Variants in DPYSL3 observed in about 807,000 individuals in gnomAD.
DPYSL3 encodes dihydropyrimidinase-related protein 3.
A neutral mutation model predicts 66.1 loss-of-function variants in DPYSL3; 16 were observed. The ratio of observed to expected loss-of-function variants is 0.24; its 90% CI spans 0.16 to 0.37. DPYSL3 has a LOEUF of 0.37. Ranked by LOEUF, DPYSL3 falls within the 10% of genes least tolerant of loss-of-function variation. The probability of loss-of-function intolerance (pLI) is 1.00; values close to 1 mark genes in which losing one functional copy is unlikely to be tolerated. For synonymous variants in DPYSL3, 338 were observed against 345.1 expected (o/e 0.98, Z 0.23); for missense variants, 738 against 916.2 (o/e 0.81, Z 2.51).
intron 1 of DPYSL3, among the ~76,000 whole-genome samples, chr5:147,448,617 C>T (rs1464106913): frequency 6.6e-6 from 1 of 152,164 alleles, no homozygotes. Context: ...ACTTTCATGG[C>T]CACTATTTGA....
intron 2 of DPYSL3, among the ~76,000 whole-genome samples, chr5:147,420,719 A>G (rs1432147811): frequency 2.0e-5 from 3 of 152,226 alleles, no homozygotes; most frequent in Non-Finnish European, 4.4e-5. Flanking sequence ...TTGAATTATG[A>G]TCATTTAACT....
chr5:147,494,538 G>C (rs1024002066), intron 1 of DPYSL3, among the ~76,000 whole-genome samples: 1 of 151,658 alleles, frequency 6.6e-6, no homozygotes, highest in South Asian at 2.1e-4. Flanking sequence ...AAATGAAATA[G>C]GGACATCACT....
At chr5:147,473,819 C>G (rs1402788335) in intron 1 of DPYSL3, among the ~76,000 whole-genome samples, 2 of 152,230 alleles carry the variant, frequency 1.3e-5, no homozygotes, top group East Asian at 3.9e-4. Context: ...TGAATTACTA[C>G]ATGGACTTCC....
chr5:147,419,580 G>A (rs1245730555), intron 2 of DPYSL3, among the ~76,000 whole-genome samples: 1 of 152,122 alleles, frequency 6.6e-6, no homozygotes, highest in Non-Finnish European at 1.5e-5. Flanking sequence ...TGATTCATAA[G>A]CCTCTATATG....
chr5:147,475,807 T>C (rs1401651460), intron 1 of DPYSL3, among the ~76,000 whole-genome samples: 1 of 152,140 alleles, frequency 6.6e-6, no homozygotes, highest in East Asian at 1.9e-4. Flanking sequence ...TAAAGGTTTT[T>C]GAGCAGACAG....
At chr5:147,446,585 C>A (rs965919269) in intron 1 of DPYSL3, among the ~76,000 whole-genome samples, 1 of 152,140 alleles carries the variant, frequency 6.6e-6, no homozygotes, top group Non-Finnish European at 1.5e-5. Context: ...TGTTTCTCCG[C>A]GTGACTGAAG....
At chr5:147,433,475 T>C (rs55842239) in intron 1 of DPYSL3, among the ~76,000 whole-genome samples, 141 of 152,214 alleles carry the variant, frequency 9.3e-4, no homozygotes, top group Admixed American at 2.9e-3. Context: ...ACCAGCCTAA[T>C]AGCAGTTTTT....
At chr5:147,423,562 T>C (rs1752129082) in intron 2 of DPYSL3, among the ~76,000 whole-genome samples, 1 of 151,188 alleles carries the variant, frequency 6.6e-6, no homozygotes, top group African/African-American at 2.5e-5. Flanking sequence ...CAAAATTTTT[T>C]GTGCTAAGTC....
intron 3 of DPYSL3, among the ~76,000 whole-genome samples, chr5:147,417,666 G>A (rs1183820110): frequency 6.6e-6 from 1 of 152,158 alleles, no homozygotes; most frequent in Admixed American, 6.5e-5. Context: ...GGGACAGGAA[G>A]GACTGCCCTG....
intron 1 of DPYSL3, among the ~76,000 whole-genome samples, chr5:147,426,575 G>A (rs890107361): frequency 6.6e-6 from 1 of 152,112 alleles, no homozygotes; most frequent in African/African-American, 2.4e-5. Context: ...TGATTAAGGG[G>A]TCAAGGGCAG....
At chr5:147,506,489 T>C (rs1383833587) in intron 1 of DPYSL3, among the ~76,000 whole-genome samples, 1 of 152,148 alleles carries the variant, frequency 6.6e-6, no homozygotes. Context: ...AAGCAACATA[T>C]TCAGTTCTGG....
intron 1 of DPYSL3, among the ~76,000 whole-genome samples, chr5:147,463,040 G>A (rs947491331): frequency 6.6e-6 from 1 of 152,174 alleles, no homozygotes; most frequent in African/African-American, 2.4e-5. Flanking sequence ...GCAATTCACT[G>A]CAGATGGAAG....
intron 1 of DPYSL3, among the ~76,000 whole-genome samples, chr5:147,452,120 C>G (rs545660263): frequency 2.0e-5 from 3 of 152,154 alleles, no homozygotes; most frequent in Non-Finnish European, 4.4e-5. Context: ...TGAAGTGAAG[C>G]TCAGTTGCAT....
At chr5:147,453,548 C>A in intron 1 of DPYSL3, 1 of 1,537,470 alleles carries the variant, frequency 6.5e-7, no homozygotes, top group Non-Finnish European at 8.8e-7. Flanking sequence ...CCCGGACTCA[C>A]CGTGATCCGC....
intron 1 of DPYSL3, among the ~76,000 whole-genome samples, chr5:147,501,148 AAGCC>A (rs1254402986): frequency 6.6e-6 from 1 of 152,204 alleles, no homozygotes; most frequent in Non-Finnish European, 1.5e-5. Context: ...ATGAGCTATC[AAGCC>A]ATGTAGAGAC....
intron 2 of DPYSL3, among the ~76,000 whole-genome samples, 159 bp downstream of exon 2, chr5:147,424,716 A>G (rs1184525425): frequency 1.3e-5 from 2 of 152,188 alleles, no homozygotes; most frequent in Non-Finnish European, 2.9e-5. Flanking sequence ...TAGAATGCTC[A>G]TCAATACTTT....
In DPYSL3 at chr5:147,473,818, A is replaced by T. The variant is rs187215954; in HGVS notation, c.381+35660T>A. On this transcript the variant is annotated intron_variant, in intron 1 of 13. Coordinates refer to ENST00000343218, the MANE Select transcript of DPYSL3 (RefSeq NM_001197294.2). ...ACCTTGGGGACCTTTCTGAATTACT[A>T]CATGGACTTCCAATTTTCTTTTTTA... is the stretch of plus-strand genomic sequence containing the variant. Among the ~76,000 whole-genome samples the T allele has an allele frequency of 5.9e-4, 90 of 152,254 alleles. No homozygotes were observed. In the East Asian group the frequency reaches 0.016, roughly 27 times the overall value.
chr5:147,400,853 C>T lies in DPYSL3; in HGVS notation c.1311-20G>A. On this transcript the variant is annotated intron_variant, in intron 9 of 13. Transcript: ENST00000343218. The stretch of plus-strand genomic sequence containing the variant: ...TCCCCGCTGGCAAAGGAGAAAAGCT[C>T]CACATGAACAGGGGAGATGGCTGGA... The T allele has an allele frequency of 6.2e-7, 1 of 1,611,236 alleles. No individual in the cohort carries two copies. The highest frequency in any genetic ancestry group is 8.5e-7 in the Non-Finnish European group (1 of 1,178,268).
chr5:147,468,113 G>T (rs1166608536), intron 1 of DPYSL3, among the ~76,000 whole-genome samples: 2 of 152,164 alleles, frequency 1.3e-5, no homozygotes, highest in Admixed American at 6.5e-5. Flanking sequence ...CCATAGCAGT[G>T]ATCCTTTATA....
Sources: allele counts gnomAD v4.1 joint callset (sites outside exome capture counted in the v4.1 genomes callset), GRCh38; gene constraint gnomAD v4.1.1; transcripts MANE v1.5; gene names NCBI Gene and HGNC (gene_info 2026-07-23, HGNC 2026-07-21).